The following NALF1 variants were observed in gnomAD, a reference collection of about 807,000 sequenced individuals.
NALF1 encodes family with sequence similarity 155 member A.
Under a neutral mutation model 48.4 loss-of-function variants are expected in NALF1, and 3 were observed. That is an observed-to-expected ratio of 0.06 (90% confidence interval 0.03 to 0.16). The LOEUF (loss-of-function observed/expected upper bound fraction) is 0.16. Ranked by LOEUF, NALF1 falls within the 10% of genes least tolerant of loss-of-function variation. NALF1 has a pLI of 1.00. For synonymous variants in NALF1, 262 were observed against 245.7 expected (o/e 1.07, Z -0.62); for missense variants, 526 against 571.5 (o/e 0.92, Z 0.81).
At chr13:107,305,227 T>C (rs1200100252) in intron 1 of NALF1, among the ~76,000 whole-genome samples, 1 of 152,204 alleles carries the variant, frequency 6.6e-6, no homozygotes, top group African/African-American at 2.4e-5. Flanking sequence ...CCAAAAAGCA[T>C]ATTTTTTTCT....
intron 1 of NALF1, among the ~76,000 whole-genome samples, chr13:107,645,671 A>G (rs1374094212): frequency 1.0e-5 from 1 of 95,466 alleles, no homozygotes; most frequent in East Asian, 3.8e-4. Context: ...CCATGCAAAT[A>G]CTGGGAGACA....
At chr13:107,316,041 TC>T (rs1159460714) in intron 1 of NALF1, among the ~76,000 whole-genome samples, 1 of 151,976 alleles carries the variant, frequency 6.6e-6, no homozygotes, top group African/African-American at 2.4e-5. Flanking sequence ...ATGCTATCCC[TC>T]CCCTCTTCCC....
chr13:107,545,571 C>G (rs759185405), intron 1 of NALF1, among the ~76,000 whole-genome samples: 2 of 152,014 alleles, frequency 1.3e-5, no homozygotes, highest in East Asian at 1.9e-4. Flanking sequence ...ACAGTTGGAG[C>G]CTGAGATCTG....
At chr13:107,505,290 A>G (rs1875660246) in intron 1 of NALF1, among the ~76,000 whole-genome samples, 1 of 152,234 alleles carries the variant, frequency 6.6e-6, no homozygotes, top group East Asian at 1.9e-4. Flanking sequence ...TGCAAGGACA[A>G]GAGGAGGGAG....
chr13:107,349,892 A>G (rs1048396640), intron 1 of NALF1, among the ~76,000 whole-genome samples: 1 of 152,152 alleles, frequency 6.6e-6, no homozygotes, highest in Non-Finnish European at 1.5e-5. Flanking sequence ...TTTTGGCACC[A>G]GGAACCGACT....
intron 1 of NALF1, among the ~76,000 whole-genome samples, chr13:107,578,811 T>C (rs1042501163): frequency 2.6e-5 from 4 of 152,212 alleles, no homozygotes; most frequent in Admixed American, 2.6e-4. Context: ...ATACTGTGTG[T>C]TGAAAATCAC....
intron 1 of NALF1, chr13:107,788,307 G>A (rs1028504931): frequency 5.9e-5 from 9 of 152,076 alleles, no homozygotes; most frequent in African/African-American, 2.2e-4. Context: ...CAAATGTTAT[G>A]TTTTTTAAAG....
At chr13:107,367,079 A>G (rs1883164592) in intron 1 of NALF1, among the ~76,000 whole-genome samples, 1 of 152,220 alleles carries the variant, frequency 6.6e-6, no homozygotes, top group Admixed American at 6.5e-5. Context: ...GATGAAAACA[A>G]AAGGGCAAAC....
chr13:107,639,884 T>C (rs1880103668), intron 1 of NALF1, among the ~76,000 whole-genome samples: 2 of 152,196 alleles, frequency 1.3e-5, no homozygotes, highest in Non-Finnish European at 2.9e-5. Flanking sequence ...GTATTCCTAA[T>C]ACCTGAGAAA....
chr13:107,399,524 G>A (rs1268155921), intron 1 of NALF1, among the ~76,000 whole-genome samples: 4 of 151,954 alleles, frequency 2.6e-5, no homozygotes, highest in Non-Finnish European at 5.9e-5. Flanking sequence ...CCCTGCTGCC[G>A]GCTCTGCTCG....
chr13:107,421,897 T>C (rs1230616046), intron 1 of NALF1, among the ~76,000 whole-genome samples: 1 of 152,136 alleles, frequency 6.6e-6, no homozygotes, highest in Non-Finnish European at 1.5e-5. Context: ...GTACAAAACT[T>C]TGGAACAGGC....
chr13:107,840,197 T>C (rs1594307249), intron 1 of NALF1, among the ~76,000 whole-genome samples: 3 of 152,222 alleles, frequency 2.0e-5, no homozygotes, highest in South Asian at 2.1e-4. Context: ...ACTATACGAA[T>C]AGGAAAGAAA....
chr13:107,176,238 T>C (rs570030213), intron 2 of NALF1, among the ~76,000 whole-genome samples: 2 of 152,112 alleles, frequency 1.3e-5, no homozygotes, highest in South Asian at 4.2e-4. Context: ...TTCTGATATA[T>C]TTTGCTTATA....
chr13:107,176,458 C>T (rs1019331788), intron 2 of NALF1, among the ~76,000 whole-genome samples: 11 of 151,368 alleles, frequency 7.3e-5, no homozygotes, highest in Non-Finnish European at 1.0e-4. Flanking sequence ...CTGGCTAACA[C>T]GGTGAAACCC....
Position 107,865,918 on chromosome 13 carries a change from T to C in NALF1, c.679A>G (p.Asn227Asp). 6.2e-7 allele frequency: 1 copy of C among 1,613,896 alleles called. No homozygotes were observed. Among genetic ancestry groups the C allele is most frequent in the Non-Finnish European group, 8.5e-7 (1 of 1,179,972 alleles). ...NLSDFYLSFC[N>D]SYTLWELFSG... ...AACAACTCCCAAAGTGTGTAGGAAT[T>C]ACAAAACGAAAGGTAAAAATCCGAC... The change falls in exon 1 of 3, where the codon AAT becomes GAT. Residue 227 changes from asparagine to aspartate, a missense_variant. Asn to Asp is a conservative substitution (Grantham distance 23). Coordinates refer to ENST00000375915, the MANE Select transcript of NALF1 (RefSeq NM_001080396.3).
chr13:107,592,735 G>A (rs1336242602), intron 1 of NALF1, among the ~76,000 whole-genome samples: 3 of 151,676 alleles, frequency 2.0e-5, no homozygotes, highest in Admixed American at 6.6e-5. Flanking sequence ...AATTATCAAG[G>A]TCCAAACAGA....
chr13:107,655,940 G>T (rs975157268), intron 1 of NALF1, among the ~76,000 whole-genome samples: 2 of 152,058 alleles, frequency 1.3e-5, no homozygotes, highest in African/African-American at 4.8e-5. Flanking sequence ...ATGGTCCTCG[G>T]ATAATTGGCT....
At chr13:107,242,504 T>A (rs910807544) in intron 1 of NALF1, among the ~76,000 whole-genome samples, 4 of 152,212 alleles carry the variant, frequency 2.6e-5, no homozygotes, top group African/African-American at 9.7e-5. Context: ...GCATGTTGGT[T>A]TTTTCCACTG....
At chr13:107,174,035 T>C (rs956429216) in intron 2 of NALF1, among the ~76,000 whole-genome samples, 2 of 152,240 alleles carry the variant, frequency 1.3e-5, no homozygotes, top group Non-Finnish European at 2.9e-5. Context: ...GTTATCCGAA[T>C]GTTGCTTTTC....
Sources: allele counts gnomAD v4.1 joint callset (sites outside exome capture counted in the v4.1 genomes callset), GRCh38; gene constraint gnomAD v4.1.1; transcripts MANE v1.5; gene names NCBI Gene and HGNC (gene_info 2026-07-23, HGNC 2026-07-21).